Variants in TPRG1 observed in about 807,000 individuals in gnomAD.
TPRG1 encodes tumor protein p63-regulated gene 1 protein.
Under a neutral mutation model 29.3 loss-of-function variants are expected in TPRG1, and 29 were observed. That is an observed-to-expected ratio of 0.99 (90% CI 0.74 to 1.35). The LOEUF (loss-of-function observed/expected upper bound fraction) is 1.35. Ranked by LOEUF, TPRG1 falls within the 40% of genes most tolerant of loss-of-function variation. TPRG1 has a pLI of 0.00. For synonymous variants in TPRG1, 130 were observed against 116.8 expected, an observed-to-expected ratio of 1.11 and a Z score of -0.73; for missense variants, 327 against 335.0, an observed-to-expected ratio of 0.98 and a Z score of 0.19.
chr3:189,251,801 T>C (rs1410350931), intron 4 of TPRG1, among the ~76,000 whole-genome samples: 2 of 152,034 alleles, frequency 1.3e-5, no homozygotes, highest in Non-Finnish European at 2.9e-5. Flanking sequence ...TACAATCGGG[T>C]TTTATACCGA....
chr3:189,243,727 C>T (rs1740974389), intron 4 of TPRG1, among the ~76,000 whole-genome samples: 1 of 152,172 alleles, frequency 6.6e-6, no homozygotes, highest in Admixed American at 6.6e-5. Context: ...ACTAGATAAT[C>T]CTAAATCATC....
At chr3:189,069,242 A>G (rs1716660620) in intron 4 of TPRG1, among the ~76,000 whole-genome samples, 1 of 152,222 alleles carries the variant, frequency 6.6e-6, no homozygotes, top group Non-Finnish European at 1.5e-5. Flanking sequence ...CTGAAGGAAA[A>G]AAGCCAATTC....
At position 189,260,448 on chromosome 3, in the gene TPRG1, T is replaced by G. The variant is rs532939745; in HGVS notation, c.479+21539T>G. On this transcript the variant is annotated intron_variant, in intron 4 of 5. Transcript: ENST00000345063. ...ATCCTATACCCTTGTAGTACTATAT[T>G]AGTGTAGCAATTTTCCAAAAGCCAT... Among the ~76,000 whole-genome samples the G allele has an allele frequency of 1.2e-4, 19 of 152,314 alleles. No individual in the cohort carries two copies. In the South Asian group the frequency reaches 2.7e-3, roughly 22 times the overall value.
rs74635146 is a variant in TPRG1, at chr3:189,277,105, G to A, written c.480-33281G>A. Among the ~76,000 whole-genome samples, 1,123 of 152,250 alleles carry A rather than the reference G, an allele frequency of 7.4e-3. 17 individuals carry two copies. Among genetic ancestry groups the A allele is most frequent in the African/African-American group, 0.026 (1,084 of 41,552 alleles). On this transcript the variant is annotated intron_variant, in intron 4 of 5. Transcript: ENST00000345063. ...GTGGTGGTTTGGCAACAGAAAGATA[G>A]AGGAAGTAACATGGAACAGGAGGTC... is the stretch of plus-strand genomic sequence containing the variant.
intron 4 of TPRG1, among the ~76,000 whole-genome samples, chr3:189,034,894 A>G (rs1322212192): frequency 1.3e-5 from 2 of 152,230 alleles, no homozygotes; most frequent in African/African-American, 4.8e-5. Flanking sequence ...TGCTATTTCT[A>G]TCAAATTACC....
intron 1 of TPRG1, among the ~76,000 whole-genome samples, chr3:189,178,644 G>T (rs987755967): frequency 1.3e-5 from 2 of 152,082 alleles, no homozygotes; most frequent in African/African-American, 4.8e-5. Context: ...ATTTTTTCAG[G>T]CTCCAGGGGT....
intron 4 of TPRG1, among the ~76,000 whole-genome samples, chr3:189,293,609 C>T (rs952678401): frequency 3.3e-5 from 5 of 152,186 alleles, no homozygotes; most frequent in African/African-American, 1.2e-4. Flanking sequence ...AGTGTCTTCT[C>T]ACTCATCAAG....
intron 1 of TPRG1, among the ~76,000 whole-genome samples, chr3:189,206,975 C>T (rs1253009357): frequency 6.6e-6 from 1 of 152,164 alleles, no homozygotes; most frequent in Non-Finnish European, 1.5e-5. Context: ...TCAAGAAGCA[C>T]ACAAGAAAAT....
At chr3:189,145,095 G>A (rs936250639) in intron 3 of TPRG1, among the ~76,000 whole-genome samples, 5 of 152,142 alleles carry the variant, frequency 3.3e-5, no homozygotes, top group Non-Finnish European at 5.9e-5. Flanking sequence ...CGGGTGCGGT[G>A]GCTCAAGCCT....
At chr3:189,160,592 T>C (rs770096730) in intron 5 of TPRG1, among the ~76,000 whole-genome samples, 7 of 152,204 alleles carry the variant, frequency 4.6e-5, no homozygotes, top group Non-Finnish European at 1.0e-4. Context: ...CGTTTCTCTC[T>C]CATCCTCCCC....
At chr3:189,182,594 C>T (rs1730373209) in intron 1 of TPRG1, among the ~76,000 whole-genome samples, 1 of 152,016 alleles carries the variant, frequency 6.6e-6, no homozygotes, top group African/African-American at 2.4e-5. Context: ...AATCTTTGAT[C>T]CAGCACTCCC....
At chr3:189,059,174 G>A (rs1269468137) in intron 4 of TPRG1, among the ~76,000 whole-genome samples, 1 of 152,152 alleles carries the variant, frequency 6.6e-6, no homozygotes, top group East Asian at 1.9e-4. Context: ...TTTTGAGGAT[G>A]ACATGAAGTA....
chr3:189,201,844 T>C (rs1450284239), intron 1 of TPRG1, among the ~76,000 whole-genome samples: 1 of 152,028 alleles, frequency 6.6e-6, no homozygotes, highest in Non-Finnish European at 1.5e-5. Flanking sequence ...AGAGATGGGG[T>C]TTCACCATGT....
At chr3:189,279,281 G>A (rs1480978135) in intron 4 of TPRG1, among the ~76,000 whole-genome samples, 1 of 152,104 alleles carries the variant, frequency 6.6e-6, no homozygotes, top group Non-Finnish European at 1.5e-5. Flanking sequence ...CTCTTGGTGG[G>A]CCCTATTCTA....
rs537064340 is a variant in TPRG1, at chr3:189,285,823, C to T, written c.480-24563C>T. ...CAAAGCCTGTGATTTTCCCCTTAGA[C>T]GATTCTGCCTTGTACTATCTCCATA... On this transcript the variant is annotated intron_variant, in intron 4 of 5. Coordinates refer to ENST00000345063, the MANE Select transcript of TPRG1 (RefSeq NM_198485.4). Among the ~76,000 whole-genome samples, 8 of 152,308 alleles carry T rather than the reference C, an allele frequency of 5.3e-5. No individual in the cohort carries two copies. In the South Asian group the frequency reaches 1.2e-3, roughly 24 times the overall value.
chr3:189,105,748 G>A (rs571545068), intron 1 of TPRG1, among the ~76,000 whole-genome samples: 1 of 152,052 alleles, frequency 6.6e-6, no homozygotes, highest in East Asian at 1.9e-4. Flanking sequence ...CGGAATAGAG[G>A]GTGTCAAAAA....
At chr3:189,258,264 T>C (rs1327394889) in intron 4 of TPRG1, among the ~76,000 whole-genome samples, 1 of 152,104 alleles carries the variant, frequency 6.6e-6, no homozygotes, top group Non-Finnish European at 1.5e-5. Flanking sequence ...AGGCCCCTCT[T>C]CTGCAAGTCT....
At chr3:189,205,892 A>G (rs2108798308) in intron 1 of TPRG1, among the ~76,000 whole-genome samples, 1 of 152,276 alleles carries the variant, frequency 6.6e-6, no homozygotes, top group South Asian at 2.1e-4. Context: ...CACCTCTAAC[A>G]CTGTCATCTA....
chr3:189,130,160 C>G (rs1403860810), intron 2 of TPRG1, among the ~76,000 whole-genome samples: 2 of 152,172 alleles, frequency 1.3e-5, no homozygotes, highest in African/African-American at 2.4e-5. Context: ...CAGATCTTGG[C>G]ACATACATCA....
Sources: allele counts gnomAD v4.1 joint callset (sites outside exome capture counted in the v4.1 genomes callset), GRCh38; gene constraint gnomAD v4.1.1; transcripts MANE v1.5; gene names NCBI Gene and HGNC (gene_info 2026-07-23, HGNC 2026-07-21).